The following CCDC141 variants were observed in gnomAD, a reference collection of about 807,000 sequenced individuals.
CCDC141 encodes the protein coiled-coil domain containing 141.
A neutral mutation model predicts 181.0 loss-of-function variants in CCDC141; 168 were observed. That is an observed-to-expected ratio of 0.93 (90% CI 0.82 to 1.05). The LOEUF is 1.05. Among genes scored for constraint, CCDC141 ranks in the 50% least tolerant of loss-of-function variants. The pLI is 0.00. For synonymous variants in CCDC141, 666 were observed against 642.3 expected (o/e 1.04, Z -0.56); for missense variants, 1,902 against 1,788.5 (o/e 1.06, Z -1.14).
At chr2:178,932,534 G>A (rs968128003) in intron 6 of CCDC141, among the ~76,000 whole-genome samples, 5 of 152,038 alleles carry the variant, frequency 3.3e-5, no homozygotes, top group South Asian at 2.1e-4. Context: ...TTAAAATGAG[G>A]AAATGCTTAT....
In CCDC141 at chr2:178,872,144, G is replaced by T. The variant is rs568984101; in HGVS notation, c.2068C>A (p.Gln690Lys). Residue 690 changes from glutamine (Q) to lysine (K), a missense_variant, in exon 13 of 24, where the codon CAA (glutamine) becomes AAA (lysine). Gln to Lys is a moderately conservative substitution (Grantham distance 53). Coordinates refer to ENST00000443758, the MANE Select transcript of CCDC141 (RefSeq NM_173648.4). The part of the protein sequence containing the change: ...GKQQWAAFKE[Q>K]LKKTSHNLKL... The stretch of plus-strand genomic sequence containing the variant: ...GTTCCTTGCCTCACCTTTTTAAGTT[G>T]CTCTTTGAATGCCGCCCACTGCTGT... 6.8e-6 allele frequency: 11 copies of T among 1,612,796 alleles called. No homozygotes were observed. In the African/African-American group the frequency reaches 1.3e-4, roughly 20 times the overall value.
intron 19 of CCDC141, 49 bp downstream of exon 19, chr2:178,855,298 T>C: frequency 6.6e-7 from 1 of 1,514,598 alleles, no homozygotes; most frequent in Non-Finnish European, 9.0e-7. Context: ...TGCAAAATGA[T>C]TTTTGAAAAC....
At chr2:178,815,914 G>T in the CCDC141 span, among the ~76,000 whole-genome samples, 11 of 152,078 alleles carry the variant, frequency 7.2e-5, no homozygotes, top group African/African-American at 2.4e-4. Flanking sequence ...ATTCATTAGA[G>T]GTTAGTTGAG....
intron 2 of CCDC141, among the ~76,000 whole-genome samples, chr2:179,025,480 A>C (rs922648833): frequency 6.6e-6 from 1 of 152,162 alleles, no homozygotes; most frequent in Non-Finnish European, 1.5e-5. Context: ...GCTGCCATCC[A>C]TGTAAGACAT....
At chr2:178,863,858 A>G (rs1685723429) in intron 17 of CCDC141, among the ~76,000 whole-genome samples, 2 of 152,230 alleles carry the variant, frequency 1.3e-5, no homozygotes, top group Non-Finnish European at 1.5e-5. Context: ...TGATTCCTAA[A>G]TCAAACCCGC....
At chr2:178,939,947 T>A (rs543044256) in intron 6 of CCDC141, among the ~76,000 whole-genome samples, 1 of 152,146 alleles carries the variant, frequency 6.6e-6, no homozygotes, top group Non-Finnish European at 1.5e-5. Context: ...ATAAACAACA[T>A]CTGTTGACCA....
intron 2 of CCDC141, among the ~76,000 whole-genome samples, chr2:179,015,433 CCA>C (rs2042462354): frequency 7.5e-6 from 1 of 133,792 alleles, no homozygotes; most frequent in African/African-American, 2.8e-5. Flanking sequence ...CATATATGTA[CCA>C]TATATATCTC....
chr2:178,982,003 A>C (rs1691437135), intron 2 of CCDC141, among the ~76,000 whole-genome samples: 1 of 152,056 alleles, frequency 6.6e-6, no homozygotes, highest in Admixed American at 6.5e-5. Context: ...ATAAAAAGGA[A>C]TACTATAAAT....
chr2:179,015,099 T>TATATC lies in CCDC141; in HGVS notation c.225+32184_225+32185insGATAT, dbSNP rs1559048701. On this transcript the variant is annotated intron_variant, in intron 2 of 23. Transcript: ENST00000443758. ...ATATATATATATATATATATATATA[T>TATATC]ATATAATATATATATAATCATATAT... Among the ~76,000 whole-genome samples the TATATC allele has an allele frequency of 1.2e-3, 63 of 50,542 alleles. 1 individual carries two copies. Among genetic ancestry groups the TATATC allele is most frequent in the African/African-American group, 3.3e-3 (56 of 17,208 alleles). The allele number at this position is 50,542 out of a possible 152,430, so 33.2% of individuals were successfully genotyped here. A position where few individuals can be genotyped will look rare whatever the true frequency, so the allele number is the denominator to read the frequency against.
intron 11 of CCDC141, among the ~76,000 whole-genome samples, chr2:178,882,222 T>G (rs1209780711): frequency 6.6e-6 from 1 of 151,852 alleles, no homozygotes; most frequent in Non-Finnish European, 1.5e-5. Context: ...AATACAAAAA[T>G]TAGCCGGGTA....
At chr2:179,044,934 CT>C (rs2043439176) in intron 2 of CCDC141, among the ~76,000 whole-genome samples, 2 of 151,902 alleles carry the variant, frequency 1.3e-5, no homozygotes, top group Admixed American at 1.3e-4. Flanking sequence ...GTTTTTATTC[CT>C]GGCTCATTGC....
intron 2 of CCDC141, among the ~76,000 whole-genome samples, chr2:179,040,460 G>T (rs1329911167): frequency 6.6e-6 from 1 of 152,166 alleles, no homozygotes; most frequent in African/African-American, 2.4e-5. Context: ...GTGGTTTGCT[G>T]TACAGATCAT....
At chr2:178,856,716 C>G (rs966912254) in intron 17 of CCDC141, among the ~76,000 whole-genome samples, 27 of 152,166 alleles carry the variant, frequency 1.8e-4, no homozygotes, top group African/African-American at 6.5e-4. Context: ...TCCTAAGTAG[C>G]TAGGACTGCA....
intron 6 of CCDC141, among the ~76,000 whole-genome samples, chr2:178,925,341 G>GT (rs1180401473): frequency 6.6e-6 from 1 of 152,190 alleles, no homozygotes; most frequent in East Asian, 1.9e-4. Flanking sequence ...TCTCTTCGGT[G>GT]TTTGGCCACT....
rs1177070237 is a variant in CCDC141, at chr2:179,015,067, GATATATAT to G, written c.225+32209_225+32216del. ...GTGGATAAACTGTGAGAGAGACAGA[GATATATAT>G]ATATATATATATATATATATATATA... is the stretch of plus-strand genomic sequence containing the variant. On this transcript the variant is annotated intron_variant, in intron 2 of 23. Transcript: ENST00000443758. Among the ~76,000 whole-genome samples the G allele has an allele frequency of 4.5e-3, 177 of 39,604 alleles. 6 individuals are homozygous for G. Among genetic ancestry groups the G allele is most frequent in the South Asian group, 0.043 (52 of 1,204 alleles). The allele number at this position is 39,604 out of a possible 152,430, so 26.0% of individuals were successfully genotyped here. A position where few individuals can be genotyped will look rare whatever the true frequency, so the allele number is the denominator to read the frequency against.
At chr2:178,905,531 G>C (rs1295782085) in intron 7 of CCDC141, 30 bp from the exon 8 acceptor site, 17 of 1,524,996 alleles carry the variant, frequency 1.1e-5, no homozygotes, top group Non-Finnish European at 1.5e-5. Context: ...TTTATTTTCT[G>C]CTTCTCTAGT....
chr2:178,843,995 A>G (rs1684831987), intron 22 of CCDC141, among the ~76,000 whole-genome samples: 1 of 152,232 alleles, frequency 6.6e-6, no homozygotes, highest in South Asian at 2.1e-4. Context: ...TTTAGTTTGT[A>G]TTAGAATAAA....
chr2:179,036,364 C>G (rs747572260), intron 2 of CCDC141, among the ~76,000 whole-genome samples: 2 of 152,204 alleles, frequency 1.3e-5, no homozygotes, highest in Non-Finnish European at 2.9e-5. Flanking sequence ...GTTGAAGAAG[C>G]CTATTTTAAT....
At chr2:179,018,861 G>A (rs376970618) in intron 2 of CCDC141, among the ~76,000 whole-genome samples, 1 of 151,990 alleles carries the variant, frequency 6.6e-6, no homozygotes, top group African/African-American at 2.4e-5. Flanking sequence ...AGTGAAAAAG[G>A]TAAGTAGCAA....
Sources: gnomAD v4.1 joint callset for allele counts (sites outside exome capture counted in the v4.1 genomes callset) on GRCh38, gnomAD v4.1.1 for gene constraint, MANE v1.5 for transcripts, NCBI Gene and HGNC (gene_info 2026-07-23, HGNC 2026-07-21) for gene names.